CCDC141: variants seen among roughly 807,000 people sequenced by gnomAD.
The protein encoded by CCDC141 is coiled-coil domain-containing protein 141.
A neutral mutation model predicts 181.0 loss-of-function variants in CCDC141; 168 were observed. The observed-to-expected ratio is 0.93, with a 90% CI of 0.82 to 1.05. The LOEUF (loss-of-function observed/expected upper bound fraction) is 1.05. Among genes scored for constraint, CCDC141 ranks in the 50% least tolerant of loss-of-function variants. CCDC141 has a pLI of 0.00. For missense variants in CCDC141, 1,902 were observed against 1,788.5 expected (o/e 1.06, Z -1.14); for synonymous variants, 666 against 642.3 (o/e 1.04, Z -0.56).
chr2:178,931,516 G>A (rs982241474), intron 6 of CCDC141, among the ~76,000 whole-genome samples: 1 of 152,128 alleles, frequency 6.6e-6, no homozygotes, highest in African/African-American at 2.4e-5. Context: ...AATACATGCT[G>A]CAACATGGAT....
chr2:179,001,647 T>C (rs533262063), intron 2 of CCDC141: 2 of 152,328 alleles, frequency 1.3e-5, no homozygotes, highest in South Asian at 4.2e-4. Flanking sequence ...CAGGCAGGAA[T>C]GGCAGGATTA....
the CCDC141 span, among the ~76,000 whole-genome samples, chr2:178,818,243 TAAAAAC>T: frequency 6.6e-6 from 1 of 152,146 alleles, no homozygotes; most frequent in East Asian, 1.9e-4. Context: ...AAAGCAAAAG[TAAAAAC>T]AAAAACAAAA....
chr2:178,889,427 A>G (rs1369902154), intron 8 of CCDC141, among the ~76,000 whole-genome samples: 2 of 152,142 alleles, frequency 1.3e-5, no homozygotes. Context: ...TATCCTTAAG[A>G]CTATTTAAGA....
At chr2:178,865,333 T>C (rs1025666858) in intron 17 of CCDC141, among the ~76,000 whole-genome samples, 1 of 152,202 alleles carries the variant, frequency 6.6e-6, no homozygotes, top group Admixed American at 6.5e-5. Flanking sequence ...CATGAGTCAA[T>C]GACCCTTAAA....
intron 7 of CCDC141, among the ~76,000 whole-genome samples, chr2:178,916,337 T>C (rs2154374299): frequency 6.6e-6 from 1 of 152,176 alleles, no homozygotes; most frequent in South Asian, 2.1e-4. Flanking sequence ...AGTTCTTTAT[T>C]TAAACTAGGG....
chr2:178,971,343 G>A (rs937359430), intron 4 of CCDC141, among the ~76,000 whole-genome samples: 8 of 152,230 alleles, frequency 5.3e-5, no homozygotes, highest in African/African-American at 1.9e-4. Context: ...CTGGTCATTA[G>A]AGAAATGCAA....
At chr2:178,984,570 C>A in intron 2 of CCDC141, among the ~76,000 whole-genome samples, 1 of 150,116 alleles carries the variant, frequency 6.7e-6, no homozygotes, top group Non-Finnish European at 1.5e-5. Context: ...TCAGGAAACC[C>A]ATCTCACGTG....
chr2:178,912,515 T>C (rs1257786338), intron 7 of CCDC141, among the ~76,000 whole-genome samples: 1 of 152,214 alleles, frequency 6.6e-6, no homozygotes, highest in Non-Finnish European at 1.5e-5. Context: ...GCCATATTTA[T>C]CAAATACTTG....
intron 6 of CCDC141, among the ~76,000 whole-genome samples, chr2:178,933,979 A>G (rs1689191260): frequency 1.3e-5 from 2 of 152,232 alleles, no homozygotes; most frequent in South Asian, 4.1e-4. Context: ...TTAAAGAAAC[A>G]GGAAATCTAG....
rs1251995022 is a variant in CCDC141 at position 178,944,583 on chromosome 2, G to T, written c.849C>A (p.Asp283Glu). 3 of 1,539,802 alleles carry T rather than the reference G, an allele frequency of 1.9e-6. No homozygotes were observed. The East Asian group carries it at 7.4e-5, about 38-fold the overall frequency. Residue 283 changes from aspartate (D) to glutamate (E), a missense_variant, in exon 6 of 24, where the codon GAC (aspartate) becomes GAA (glutamate). Physicochemically the swap from Asp to Glu is conservative, Grantham distance 45. Transcript: ENST00000443758. ...CTTGCTTATGAATTCGATCCTCATT[G>T]TCTGAAAGTGATGAACCTAGACTTT... ...QEQSLGSSLS[D>E]NEDRIHKQEE...
intron 8 of CCDC141, among the ~76,000 whole-genome samples, chr2:178,902,336 C>A (rs1244138745): frequency 1.3e-5 from 2 of 152,146 alleles, no homozygotes; most frequent in African/African-American, 2.4e-5. Flanking sequence ...GGAGGCATCA[C>A]GCTACCTAAC....
chr2:178,877,035 G>A (rs1575159400), intron 12 of CCDC141: 1 of 152,106 alleles, frequency 6.6e-6, no homozygotes, highest in Non-Finnish European at 1.5e-5. Context: ...GAATAATAAT[G>A]TCCAGTTTAC....
intron 2 of CCDC141, among the ~76,000 whole-genome samples, chr2:179,041,878 T>C (rs1032605234): frequency 1.3e-5 from 2 of 152,288 alleles, no homozygotes; most frequent in Middle Eastern, 3.4e-3. Context: ...CCTAAATATA[T>C]ATGTACCCAA....
At chr2:178,864,839 A>T (rs1685776152) in intron 17 of CCDC141, among the ~76,000 whole-genome samples, 2 of 152,232 alleles carry the variant, frequency 1.3e-5, no homozygotes, top group Admixed American at 6.5e-5. Flanking sequence ...AAAGTGAAGA[A>T]AGTTTACTGC....
chr2:178,823,470 C>T, the CCDC141 span, among the ~76,000 whole-genome samples: 1 of 152,068 alleles, frequency 6.6e-6, no homozygotes, highest in Non-Finnish European at 1.5e-5. Context: ...AACATTTGTT[C>T]CCGCAGTAAT....
intron 2 of CCDC141, among the ~76,000 whole-genome samples, chr2:179,015,467 CAT>C (rs764927043): frequency 5.8e-4 from 62 of 107,540 alleles, no homozygotes; most frequent in Non-Finnish European, 9.5e-4. Context: ...ATATATATCT[CAT>C]ATATGTGCCA....
chr2:178,844,299 C>T (rs1454523233), intron 22 of CCDC141, among the ~76,000 whole-genome samples: 1 of 152,092 alleles, frequency 6.6e-6, no homozygotes, highest in Non-Finnish European at 1.5e-5. Flanking sequence ...GTGTCGACCA[C>T]TCATTCTCAA....
At chr2:178,940,741 A>G (rs1158409626) in intron 6 of CCDC141, among the ~76,000 whole-genome samples, 2 of 152,204 alleles carry the variant, frequency 1.3e-5, no homozygotes, top group Non-Finnish European at 2.9e-5. Context: ...TGTCCTTTTC[A>G]TATCAGGCAC....
intron 11 of CCDC141, among the ~76,000 whole-genome samples, chr2:178,879,662 A>G (rs1686505914): frequency 6.6e-6 from 1 of 152,196 alleles, no homozygotes; most frequent in Non-Finnish European, 1.5e-5. Flanking sequence ...ACACAAAGAC[A>G]CATATACAGA....
Sources: gnomAD v4.1 joint callset for allele counts (sites outside exome capture counted in the v4.1 genomes callset) on GRCh38, gnomAD v4.1.1 for gene constraint, MANE v1.5 for transcripts, NCBI Gene and HGNC (gene_info 2026-07-23, HGNC 2026-07-21) for gene names.